Variants in MICU1 observed in about 807,000 individuals in gnomAD.
MICU1 encodes calcium uptake protein 1, mitochondrial.
In MICU1, 45 loss-of-function variants were observed where a neutral mutation model predicts 56.8. The observed-to-expected ratio is 0.79, with a 90% CI of 0.62 to 1.02. The LOEUF (loss-of-function observed/expected upper bound fraction) is 1.02, where lower values mean the gene tolerates loss of function less well. Among genes scored for constraint, MICU1 ranks in the 50% least tolerant of loss-of-function variants. The pLI is 0.00. For synonymous variants in MICU1, 186 were observed against 195.1 expected (o/e 0.95, Z 0.39); for missense variants, 504 against 587.1 (o/e 0.86, Z 1.46).
intron 4 of MICU1, among the ~76,000 whole-genome samples, chr10:72,547,213 T>C (rs1839918197): frequency 6.6e-6 from 1 of 151,988 alleles, no homozygotes; most frequent in Non-Finnish European, 1.5e-5. Flanking sequence ...TTTTTACTTT[T>C]ATTTTTATAG....
intron 10 of MICU1, among the ~76,000 whole-genome samples, chr10:72,394,313 G>A (rs894674249): frequency 3.3e-5 from 5 of 152,136 alleles, no homozygotes; most frequent in East Asian, 1.9e-4. Context: ...GGGCCACCAC[G>A]TAACCCACTA....
At chr10:72,489,534 A>C (rs573510054) in intron 6 of MICU1, among the ~76,000 whole-genome samples, 107 of 152,250 alleles carry the variant, frequency 7.0e-4, no homozygotes, top group Non-Finnish European at 1.0e-3. Context: ...CATACATAAC[A>C]GGCTGAATTA....
In MICU1 at chr10:72,508,173, G is replaced by A. The variant is rs767314291; in HGVS notation, c.634C>T (p.Leu212Phe). 6.6e-7 allele frequency: 1 copy of A among 1,525,648 alleles called. No individual in the cohort carries two copies. Among genetic ancestry groups the A allele is most frequent in the Non-Finnish European group, 8.9e-7 (1 of 1,121,802 alleles). The allele number at this position is 1,525,648 out of a possible 1,614,324, so 94.5% of individuals were successfully genotyped here. Residue 212 changes from leucine (L) to phenylalanine (F), a missense_variant, in exon 6 of 12, where the codon CTC (leucine) becomes TTC (phenylalanine). By Grantham distance (22) the Leu-to-Phe change is conservative. Transcript: ENST00000361114. Reference sequence around the variant, plus strand: ...TACTTACTGGAAAGAACAGTTGTGAGGAAAATGTAGTCTGAAAAGGATATG... The same window carrying A: ...TACTTACTGGAAAGAACAGTTGTGAAGAAAATGTAGTCTGAAAAGGATATG... ...GLISFSDYIFLTTVLSTPQRN... is the reference protein window; with the variant it reads ...GLISFSDYIFFTTVLSTPQRN...
chr10:72,590,356 T>C (rs1002126013), intron 1 of MICU1, among the ~76,000 whole-genome samples: 1 of 152,096 alleles, frequency 6.6e-6, no homozygotes, highest in Non-Finnish European at 1.5e-5. Flanking sequence ...CAAAAAGATA[T>C]AATAATTATC....
At chr10:72,462,472 C>T (rs1865667042) in intron 8 of MICU1, among the ~76,000 whole-genome samples, 1 of 152,034 alleles carries the variant, frequency 6.6e-6, no homozygotes, top group Admixed American at 6.6e-5. Context: ...GAAGTGCTAG[C>T]TAGTATTTTT....
At chr10:72,435,046 A>G (rs2132166342) in intron 8 of MICU1, among the ~76,000 whole-genome samples, 1 of 152,240 alleles carries the variant, frequency 6.6e-6, no homozygotes, top group South Asian at 2.1e-4. Flanking sequence ...AGTAATCCAT[A>G]GTTGATTATC....
chr10:72,623,384 A>G (rs1842156447), intron 1 of MICU1, among the ~76,000 whole-genome samples: 1 of 149,552 alleles, frequency 6.7e-6, no homozygotes, highest in African/African-American at 2.5e-5. Context: ...AGAAAAAAAG[A>G]AAAGAAAAGA....
At chr10:72,488,893 T>G (rs1383905318) in intron 6 of MICU1, among the ~76,000 whole-genome samples, 1 of 152,210 alleles carries the variant, frequency 6.6e-6, no homozygotes, top group Non-Finnish European at 1.5e-5. Flanking sequence ...ATTCTCCTCA[T>G]GCAATAACCA....
chr10:72,428,998 C>T (rs1864438247), intron 8 of MICU1, among the ~76,000 whole-genome samples: 1 of 152,208 alleles, frequency 6.6e-6, no homozygotes, highest in South Asian at 2.1e-4. Flanking sequence ...GTGGCTTACC[C>T]GTTCCGAGGG....
intron 6 of MICU1, among the ~76,000 whole-genome samples, chr10:72,502,644 G>T (rs2132334097): frequency 6.6e-6 from 1 of 152,268 alleles, no homozygotes; most frequent in South Asian, 2.1e-4. Context: ...ATTTTCCCTA[G>T]GGTATTGGGT....
intron 1 of MICU1, among the ~76,000 whole-genome samples, chr10:72,620,908 G>T (rs1589397915): frequency 6.6e-6 from 1 of 152,132 alleles, no homozygotes; most frequent in East Asian, 1.9e-4. Flanking sequence ...TTATCTACAG[G>T]TATCCACTCT....
intron 9 of MICU1, among the ~76,000 whole-genome samples, chr10:72,418,718 T>TA (rs1864063843): frequency 6.6e-6 from 1 of 152,230 alleles, no homozygotes; most frequent in African/African-American, 2.4e-5. Flanking sequence ...AATGAAAACT[T>TA]ACATTTTCAT....
At chr10:72,548,056 C>T (rs775343730) in intron 4 of MICU1, among the ~76,000 whole-genome samples, 3 of 152,196 alleles carry the variant, frequency 2.0e-5, no homozygotes, top group Non-Finnish European at 4.4e-5. Flanking sequence ...CAAATGTGTG[C>T]ATGTGCCAAC....
intron 1 of MICU1, among the ~76,000 whole-genome samples, chr10:72,588,395 GA>G (rs931860143): frequency 6.6e-6 from 1 of 150,586 alleles, no homozygotes; most frequent in Admixed American, 6.6e-5. Flanking sequence ...TGAGGGAAAG[GA>G]AAAAAAACAA....
chr10:72,427,737 T>A (rs201310345), intron 8 of MICU1, among the ~76,000 whole-genome samples: 24 of 15,730 alleles, frequency 1.5e-3, no homozygotes, highest in African/African-American at 8.3e-3. Context: ...CTCTAAAATA[T>A]ATATATATAT....
At chr10:72,439,614 C>T (rs957597366) in intron 8 of MICU1, among the ~76,000 whole-genome samples, 3 of 152,062 alleles carry the variant, frequency 2.0e-5, no homozygotes, top group Non-Finnish European at 4.4e-5. Flanking sequence ...TCAAATTGTC[C>T]CTGTTTGCAG....
At chr10:72,403,954 A>AGT (rs753915711) in intron 10 of MICU1, among the ~76,000 whole-genome samples, 12 of 133,086 alleles carry the variant, frequency 9.0e-5, no homozygotes, top group Admixed American at 4.6e-4. Context: ...CACGCCCGGC[A>AGT]GTGTGTGTGT....
intron 9 of MICU1, 50 bp from the exon 10 acceptor site, chr10:72,408,087 G>C (rs750411296): frequency 8.8e-7 from 1 of 1,133,496 alleles, no homozygotes; most frequent in Non-Finnish European, 1.3e-6. Flanking sequence ...ACAAAAAGCA[G>C]CACGATATGC....
At chr10:72,422,447 T>G (rs1273492909) in intron 9 of MICU1, among the ~76,000 whole-genome samples, 2 of 152,196 alleles carry the variant, frequency 1.3e-5, no homozygotes, top group African/African-American at 4.8e-5. Flanking sequence ...AATTTGCCTA[T>G]GTGATTTCCC....
Sources: allele counts gnomAD v4.1 joint callset (sites outside exome capture counted in the v4.1 genomes callset), GRCh38; gene constraint gnomAD v4.1.1; transcripts MANE v1.5; gene names NCBI Gene and HGNC (gene_info 2026-07-23, HGNC 2026-07-21).